IMMP2L: variants seen among roughly 807,000 people sequenced by gnomAD.
IMMP2L encodes mitochondrial inner membrane protease subunit 2.
IMMP2L carries 18 observed loss-of-function variants against 19.3 expected under a neutral mutation model. The observed-to-expected ratio is 0.93, with a 90% CI of 0.64 to 1.38. The LOEUF is 1.38. IMMP2L is among the 40% of genes most tolerant of loss of function. IMMP2L has a pLI of 0.00. For synonymous variants in IMMP2L, 76 were observed against 73.0 expected (o/e 1.04, Z -0.21); for missense variants, 233 against 218.2 (o/e 1.07, Z -0.43).
At chr7:111,559,950 T>TA (rs1791829340) in intron 1 of IMMP2L, among the ~76,000 whole-genome samples, 2 of 151,928 alleles carry the variant, frequency 1.3e-5, no homozygotes, top group South Asian at 4.2e-4. Flanking sequence ...GGGTGGTAAA[T>TA]AGCCAAGAAG....
chr7:110,961,446 T>C (rs1334070999), intron 4 of IMMP2L, among the ~76,000 whole-genome samples: 2 of 143,398 alleles, frequency 1.4e-5, no homozygotes, highest in Non-Finnish European at 3.1e-5. Flanking sequence ...TTTTTTTTTT[T>C]CAGTACAGAC....
intron 3 of IMMP2L, among the ~76,000 whole-genome samples, chr7:111,405,552 G>C (rs1461851202): frequency 6.6e-6 from 1 of 152,072 alleles, no homozygotes; most frequent in African/African-American, 2.4e-5. Context: ...TAAAAGATTA[G>C]AGTATTATCT....
chr7:111,501,108 C>A (rs996709274), intron 2 of IMMP2L, among the ~76,000 whole-genome samples: 8 of 151,918 alleles, frequency 5.3e-5, no homozygotes, highest in African/African-American at 1.9e-4. Context: ...CTAGAATAAC[C>A]AATGCAGAGA....
intron 3 of IMMP2L, among the ~76,000 whole-genome samples, chr7:110,997,625 T>C (rs953340105): frequency 6.6e-6 from 1 of 152,180 alleles, no homozygotes; most frequent in African/African-American, 2.4e-5. Flanking sequence ...ATGTTTAACA[T>C]CTTTTCATGT....
intron 3 of IMMP2L, among the ~76,000 whole-genome samples, chr7:111,016,533 T>A (rs185173383): frequency 0.097 from 11,737 of 120,786 alleles, 622 homozygotes; most frequent in South Asian, 0.19. Context: ...ATGTATATAT[T>A]ATATATTATA....
At chr7:110,850,599 T>A (rs1585026462) in intron 5 of IMMP2L, among the ~76,000 whole-genome samples, 1 of 151,992 alleles carries the variant, frequency 6.6e-6, no homozygotes, top group African/African-American at 2.4e-5. Context: ...TGGCTCGCCC[T>A]CATGCCAAGA....
At chr7:111,024,937 AG>A (rs1826664773) in intron 3 of IMMP2L, among the ~76,000 whole-genome samples, 2 of 152,346 alleles carry the variant, frequency 1.3e-5, no homozygotes, top group South Asian at 2.1e-4. Context: ...GGCTTAATTA[AG>A]GGAGTATTGA....
At chr7:110,882,067 G>C (rs566337595) in intron 5 of IMMP2L, among the ~76,000 whole-genome samples, 10 of 151,972 alleles carry the variant, frequency 6.6e-5, no homozygotes, top group African/African-American at 2.4e-4. Context: ...TTGAGAGTGG[G>C]GATTAGACCC....
chr7:110,876,034 C>A (rs1034412727), intron 5 of IMMP2L, among the ~76,000 whole-genome samples: 1 of 151,894 alleles, frequency 6.6e-6, no homozygotes, highest in Non-Finnish European at 1.5e-5. Flanking sequence ...TTCAAAAAAA[C>A]GGATACATTT....
At chr7:111,204,562 C>G (rs1271759154) in intron 3 of IMMP2L, among the ~76,000 whole-genome samples, 1 of 151,832 alleles carries the variant, frequency 6.6e-6, no homozygotes, top group Non-Finnish European at 1.5e-5. Flanking sequence ...CTCTCTTTTC[C>G]CATAAAAATT....
At chr7:111,045,096 G>A (rs533340704) in intron 3 of IMMP2L, among the ~76,000 whole-genome samples, 1 of 152,300 alleles carries the variant, frequency 6.6e-6, no homozygotes, top group Non-Finnish European at 1.5e-5. Context: ...AGCACTCACA[G>A]ATTCCACTTT....
At chr7:111,436,544 A>C (rs1400684840) in intron 3 of IMMP2L, among the ~76,000 whole-genome samples, 1 of 151,150 alleles carries the variant, frequency 6.6e-6, no homozygotes, top group African/African-American at 2.5e-5. Flanking sequence ...CACACACCCC[A>C]CACATATATG....
At chr7:111,212,086 C>T (rs1811382471) in intron 3 of IMMP2L, among the ~76,000 whole-genome samples, 1 of 152,038 alleles carries the variant, frequency 6.6e-6, no homozygotes, top group South Asian at 2.1e-4. Context: ...ATTAAATCAT[C>T]CTAAGCATTT....
intron 3 of IMMP2L, among the ~76,000 whole-genome samples, chr7:111,274,565 A>C (rs1477628248): frequency 6.6e-6 from 1 of 152,184 alleles, no homozygotes; most frequent in Admixed American, 6.5e-5. Flanking sequence ...GACACATAGC[A>C]GGTTATCTAT....
chr7:110,907,158 A>C (rs1336509535), intron 4 of IMMP2L, among the ~76,000 whole-genome samples: 1 of 152,150 alleles, frequency 6.6e-6, no homozygotes, highest in East Asian at 1.9e-4. Flanking sequence ...CTTAAGTGTT[A>C]ACAGCTCAGT....
intron 3 of IMMP2L, among the ~76,000 whole-genome samples, chr7:111,268,388 A>T (rs1345572940): frequency 6.6e-6 from 1 of 151,264 alleles, no homozygotes; most frequent in Non-Finnish European, 1.5e-5. Context: ...GGTTTTGCCC[A>T]GGAACAGGCT....
chr7:110,750,439 G>A (rs1435964050), intron 5 of IMMP2L, among the ~76,000 whole-genome samples: 2 of 151,802 alleles, frequency 1.3e-5, no homozygotes, highest in African/African-American at 4.8e-5. Context: ...GGATATTCTT[G>A]GATTGCATTG....
intron 3 of IMMP2L, among the ~76,000 whole-genome samples, chr7:111,034,500 T>C (rs1791141238): frequency 6.6e-6 from 1 of 152,070 alleles, no homozygotes; most frequent in African/African-American, 2.4e-5. Flanking sequence ...ATAAGGTATA[T>C]TTCATAGTTA....
intron 3 of IMMP2L, among the ~76,000 whole-genome samples, chr7:111,020,396 A>G (rs928223528): frequency 1.3e-5 from 2 of 152,146 alleles, no homozygotes; most frequent in East Asian, 3.9e-4. Context: ...ACAAACAAGC[A>G]AACGAAAAAA....
Sources: allele counts gnomAD v4.1 joint callset (sites outside exome capture counted in the v4.1 genomes callset), GRCh38; gene constraint gnomAD v4.1.1; transcripts MANE v1.5; gene names NCBI Gene and HGNC (gene_info 2026-07-23, HGNC 2026-07-21).